The following JAML variants were observed in gnomAD, a reference collection of about 807,000 sequenced individuals.
JAML encodes the protein junction adhesion molecule like, also known as junctional adhesion molecule-like.
In JAML, 25 loss-of-function variants were observed where a neutral mutation model predicts 39.3. The observed-to-expected ratio is 0.64, with a 90% CI of 0.46 to 0.89. The LOEUF (loss-of-function observed/expected upper bound fraction) is 0.89, where lower values mean the gene tolerates loss of function less well. Ranked by LOEUF, JAML falls within the 40% of genes least tolerant of loss-of-function variation. The pLI is 0.00. For synonymous variants in JAML, 162 were observed against 179.2 expected (o/e 0.90, Z 0.77); for missense variants, 440 against 486.9 (o/e 0.90, Z 0.91).
At chr11:118,199,594 A>C (rs1258258619) in intron 7 of JAML, among the ~76,000 whole-genome samples, 1 of 152,156 alleles carries the variant, frequency 6.6e-6, no homozygotes. Context: ...ACAGCCAGTG[A>C]AACACAAGTG....
chr11:118,221,668 G>A (rs1715434), intron 1 of JAML, among the ~76,000 whole-genome samples: 13,774 of 152,236 alleles, frequency 0.09, 2,083 homozygotes, highest in African/African-American at 0.31. Flanking sequence ...CTGCCCAGGG[G>A]TTGGGGACCC....
At chr11:118,201,916 G>A (rs1449185329) in intron 6 of JAML, 1 of 152,246 alleles carries the variant, frequency 6.6e-6, no homozygotes, top group Non-Finnish European at 1.5e-5. Flanking sequence ...TGCAGGGGTA[G>A]GTTAGACATG....
Position 118,195,136 on chromosome 11 carries a change from C to A in JAML, c.1093-719G>T, listed in dbSNP as rs1948625662. ...AACAGTGCCACCCTGGCTGGTGACC[C>A]ACTCAGCAGTAGCCACAAGGCAGCT... On this transcript the variant is annotated intron_variant, in intron 9 of 9. Transcript: ENST00000356289. Among the ~76,000 whole-genome samples, 2 of 152,226 alleles carry A rather than the reference C, an allele frequency of 1.3e-5. 1 individual carries two copies. The highest frequency in any genetic ancestry group is 4.1e-4 in the South Asian group (2 of 4,828).
intron 9 of JAML, 55 bp from the exon 10 acceptor site, chr11:118,194,472 A>G: frequency 7.0e-7 from 1 of 1,432,064 alleles, no homozygotes; most frequent in East Asian, 2.3e-5. Context: ...TAGTTCCATA[A>G]TCATAGCAGC....
intron 1 of JAML, among the ~76,000 whole-genome samples, chr11:118,218,578 G>A (rs150807683): frequency 6.6e-6 from 1 of 152,292 alleles, no homozygotes; most frequent in Non-Finnish European, 1.5e-5. Flanking sequence ...AGCATGGTGT[G>A]AGGTACGGGG....
At chr11:118,199,702 T>TAA in intron 7 of JAML, among the ~76,000 whole-genome samples, 1 of 144,304 alleles carries the variant, frequency 6.9e-6, no homozygotes, top group Non-Finnish European at 1.5e-5. Context: ...TATTTTTTTT[T>TAA]TTTTTTTTTT....
At chr11:118,217,269 A>G (rs1482805141) in intron 1 of JAML, among the ~76,000 whole-genome samples, 2 of 152,344 alleles carry the variant, frequency 1.3e-5, no homozygotes, top group East Asian at 3.9e-4. Context: ...ACTTAAAGGC[A>G]TCTTGCAGCA....
chr11:118,202,853 C>T (rs1352474542), intron 6 of JAML: 1 of 424,580 alleles, frequency 2.4e-6, no homozygotes, highest in East Asian at 7.1e-5. Context: ...ACTTTAACCC[C>T]TCACTTATCA....
intron 6 of JAML, chr11:118,202,186 T>C (rs1298385977): frequency 2.0e-5 from 3 of 152,220 alleles, no homozygotes; most frequent in African/African-American, 7.2e-5. Context: ...TTGGCTATGT[T>C]GAGAAAGAAA....
intron 2 of JAML, chr11:118,212,985 T>A (rs1565483453): frequency 6.2e-7 from 1 of 1,613,340 alleles, no homozygotes; most frequent in Admixed American, 1.7e-5. Context: ...AGGGACCTTT[T>A]GTTTACTTCC....
intron 4 of JAML, 91 bp downstream of exon 4, chr11:118,210,396 G>T: frequency 8.1e-7 from 1 of 1,235,896 alleles, no homozygotes; most frequent in Non-Finnish European, 1.2e-6. Context: ...TAGCCCAAAG[G>T]CTGGCATTTA....
chr11:118,200,563 C>G lies in JAML; in HGVS notation c.822G>C (p.Gln274His), dbSNP rs768809230. Residue 274 changes from glutamine (Q) to histidine (H), a missense_variant, in exon 7 of 10, where the codon CAG (glutamine) becomes CAC (histidine). Coordinates refer to ENST00000356289, the MANE Select transcript of JAML (RefSeq NM_001098526.2). ...ALRPLVLGGN[Q>H]LVIIVGIVCA... ...AGACAATTCCCACAATGATCACCAACTGATTACCACCCAAGACCAGAGGCC... is the reference window on the plus strand; with the variant it reads ...AGACAATTCCCACAATGATCACCAAGTGATTACCACCCAAGACCAGAGGCC... 1 of 1,614,154 alleles carries G rather than the reference C, an allele frequency of 6.2e-7. No individual in the cohort carries two copies. Among genetic ancestry groups the G allele is most frequent in the East Asian group, 2.2e-5 (1 of 44,880 alleles).
In JAML at chr11:118,210,528, T is replaced by C. The variant is rs1565481637; in HGVS notation, c.383A>G (p.Lys128Arg). Residue 128 changes from lysine (K) to arginine (R), a missense_variant, in exon 4 of 10, where the codon AAG becomes AGG. Coordinates refer to ENST00000356289, the MANE Select transcript of JAML (RefSeq NM_001098526.2). ...IRLKGESQVF[K>R]KAVVLHVLPE... The stretch of plus-strand genomic sequence containing the variant: ...AAGCACATGCAGTACCACCGCCTTC[T>C]TGAACACCTGGCTCTCCCCTTTGAG... 2.5e-6 allele frequency: 4 copies of C among 1,614,210 alleles called. No individual in the cohort carries two copies. The highest frequency in any genetic ancestry group is 3.4e-6 in the Non-Finnish European group (4 of 1,180,018).
In JAML at chr11:118,196,746, A is replaced by G; in HGVS notation, c.1081T>C (p.Tyr361His). ...EEPSEKSEAT[Y>H]MTMHPVWPSL... is the part of the protein sequence containing the mutation. ...AGAATCATTCTCACCATGGTCATGT[A>G]GGTGGCCTCTGATTTTTCACTTGGT... is the stretch of plus-strand genomic sequence containing the variant. The change falls in exon 9 of 10, where the codon TAC (tyrosine) becomes CAC (histidine). Residue 361 changes from tyrosine (Y) to histidine (H), a missense_variant. Physicochemically the swap from Tyr to His is moderately conservative, Grantham distance 83. Transcript: ENST00000356289. 1 of 1,609,534 alleles carries G rather than the reference A, an allele frequency of 6.2e-7. No homozygotes were observed.
Position 118,223,646 on chromosome 11 carries a change from A to G in JAML, c.-21+1295T>C, listed in dbSNP as rs77350377. ...TTGACTCTCCCCTCTATCAGCAAGT[A>G]AAGATTTTTGCCTTTTAGAAATTTT... On this transcript the variant is annotated intron_variant, in intron 1 of 9. Coordinates refer to ENST00000356289, the MANE Select transcript of JAML (RefSeq NM_001098526.2). 6.9e-3 allele frequency among the ~76,000 whole-genome samples: 1,045 copies of G among 152,238 alleles called. 8 individuals carry two copies. Among genetic ancestry groups the G allele is most frequent in the Non-Finnish European group, 0.012 (792 of 67,994 alleles).
intron 1 of JAML, among the ~76,000 whole-genome samples, chr11:118,221,901 T>C (rs1949213784): frequency 6.6e-6 from 1 of 152,242 alleles, no homozygotes; most frequent in South Asian, 2.1e-4. Context: ...AGACACCTTG[T>C]GTGTCCCTGT....
chr11:118,194,559 AC>A, intron 9 of JAML, 142 bp from the exon 10 acceptor site: 1 of 666,100 alleles, frequency 1.5e-6, no homozygotes, highest in Non-Finnish European at 2.7e-6. Flanking sequence ...GATCCTTACC[AC>A]CAGGAGGTAG....
chr11:118,224,339 G>T (rs566743394), intron 1 of JAML, among the ~76,000 whole-genome samples: 1 of 152,238 alleles, frequency 6.6e-6, no homozygotes, highest in South Asian at 2.1e-4. Flanking sequence ...AACAAGCATG[G>T]ACAGTAGCCT....
intron 2 of JAML, chr11:118,213,379 G>T: frequency 1.0e-6 from 1 of 979,428 alleles, no homozygotes; most frequent in Non-Finnish European, 1.2e-6. Context: ...CAGAAAATGT[G>T]CCAGTCTTTT....
Sources: gnomAD v4.1 joint callset for allele counts (sites outside exome capture counted in the v4.1 genomes callset) on GRCh38, gnomAD v4.1.1 for gene constraint, MANE v1.5 for transcripts, NCBI Gene and HGNC (gene_info 2026-07-23, HGNC 2026-07-21) for gene names.